S100A7A: variants seen among roughly 807,000 people sequenced by gnomAD.
S100A7A encodes the protein protein S100-A7A.
S100A7A carries 5 observed loss-of-function variants against 4.0 expected under a neutral mutation model. The observed-to-expected ratio is 1.26, with a 90% CI of 0.66 to 2.66. The LOEUF (loss-of-function observed/expected upper bound fraction) is 2.66. Among genes scored for constraint, S100A7A ranks in the 30% most tolerant of loss-of-function variants. The pLI is 0.01. For missense variants in S100A7A, 159 were observed against 125.1 expected, an observed-to-expected ratio of 1.27 and a Z score of -1.29; for synonymous variants, 52 against 46.4, an observed-to-expected ratio of 1.12 and a Z score of -0.49.
Position 153,422,486 on chromosome 1 carries a change from A to G in S100A7A, c.*3177A>G. On this transcript the variant is annotated 3_prime_UTR_variant, in exon 3 of 3. Transcript: ENST00000368729. The stretch of plus-strand genomic sequence containing the variant: ...GACATTATATTGGTACTAAAGAGAA[A>G]GAATACTTGACAGCTCTATGCCCAC... 1 of 982,612 alleles carries G rather than the reference A, an allele frequency of 1.0e-6. No individual in the cohort carries two copies. The highest frequency in any genetic ancestry group is 1.2e-6 in the Non-Finnish European group (1 of 827,336). 60.9% of individuals were successfully genotyped at this position (982,612 alleles called of 1,614,324 possible).
Position 153,418,181 on chromosome 1 carries a change from G to A in S100A7A, c.99G>A (p.Leu33=), listed in dbSNP as rs1571184458. The change falls in exon 2 of 3, where the codon CTG becomes CTA. Residue 33 remains leucine, a synonymous_variant. Transcript: ENST00000368729. The part of the protein sequence containing the change: ...RDGKIEKPSL[L]TMMKENFPNF... ...GCAAGATTGAGAAGCCAAGCCTGCT[G>A]ACGATGATGAAGGAGAACTTCCCCA... 1.2e-6 allele frequency: 2 copies of A among 1,614,060 alleles called. No homozygotes were observed. The highest frequency in any genetic ancestry group is 1.7e-6 in the Non-Finnish European group (2 of 1,179,926).
chr1:153,422,507 C>A lies in S100A7A; in HGVS notation c.*3198C>A. ...AGAAAGAATACTTGACAGCTCTATG[C>A]CCACACTCACATTACAGCTGATGTG... is the stretch of plus-strand genomic sequence containing the variant. On this transcript the variant is annotated 3_prime_UTR_variant, in exon 3 of 3. Transcript: ENST00000368729. 2 of 984,974 alleles carry A rather than the reference C, an allele frequency of 2.0e-6. No homozygotes were observed. The highest frequency in any genetic ancestry group is 2.4e-6 in the Non-Finnish European group (2 of 829,506). The allele number at this position is 984,974 out of a possible 1,614,324, so 61.0% of individuals were successfully genotyped here.
chr1:153,417,966 A>G, intron 1 of S100A7A, 100 bp from the exon 2 acceptor site: 1 of 1,428,708 alleles, frequency 7.0e-7, no homozygotes, highest in Non-Finnish European at 9.5e-7. Context: ...GCTCCATCTT[A>G]GGGCTGTTTT....
rs918501642 is a variant in S100A7A at position 153,421,769 on chromosome 1, T to C, written c.*2460T>C. 1 of 152,232 alleles carries C rather than the reference T, an allele frequency of 6.6e-6. No individual in the cohort carries two copies. The highest frequency in any genetic ancestry group is 2.4e-5 in the African/African-American group (1 of 41,460). 9.4% of individuals were successfully genotyped at this position (152,232 alleles called of 1,614,324 possible). On this transcript the variant is annotated 3_prime_UTR_variant, in exon 3 of 3. Transcript: ENST00000368729. ...TACAGTCCAGAAGGCAATTGGCCAC[T>C]CCTAATGTGGGCCTGCCCTCCCTTT...
Position 153,419,520 on chromosome 1 carries a change from G to A in S100A7A, c.*211G>A, listed in dbSNP as rs536379212. 43 of 605,504 alleles carry A rather than the reference G, an allele frequency of 7.1e-5. 1 individual carries two copies. The East Asian group carries it at 1.1e-3, about 15-fold the overall frequency. The allele number at this position is 605,504 out of a possible 1,614,324, so 37.5% of individuals were successfully genotyped here. On this transcript the variant is annotated 3_prime_UTR_variant, in exon 3 of 3. Coordinates refer to ENST00000368729, the MANE Select transcript of S100A7A (RefSeq NM_176823.4). ...AGCAACGTTCCCCCTATGGCCTCCA[G>A]CAGAGCTGATCTGCCTCTCACACAG... is the stretch of plus-strand genomic sequence containing the variant.
At chr1:153,419,080 C>T in intron 2 of S100A7A, 65 bp from the exon 3 acceptor site, 1 of 1,535,434 alleles carries the variant, frequency 6.5e-7, no homozygotes, top group Non-Finnish European at 8.9e-7. Flanking sequence ...CTCCTCCTCT[C>T]CCCTCCCAGC....
At chr1:153,417,986 C>A in intron 1 of S100A7A, 80 bp from the exon 2 acceptor site, 2 of 1,550,670 alleles carry the variant, frequency 1.3e-6, no homozygotes, top group Non-Finnish European at 1.8e-6. Context: ...TTACTCTGTC[C>A]TCAGCCCTCC....
In S100A7A at chr1:153,419,389, T is replaced by C; in HGVS notation, c.*80T>C. The C allele has an allele frequency of 1.4e-6, 2 of 1,450,262 alleles. No homozygotes were observed. Among genetic ancestry groups the C allele is most frequent in the Non-Finnish European group, 1.9e-6 (2 of 1,066,804 alleles). The allele number at this position is 1,450,262 out of a possible 1,614,324, so 89.8% of individuals were successfully genotyped here. ...CACCAGACACTTGCCTTATTTCTTC[T>C]TCTCTTTGGTGACCTACATTGTCAA... is the stretch of plus-strand genomic sequence containing the variant. On this transcript the variant is annotated 3_prime_UTR_variant, in exon 3 of 3. Coordinates refer to ENST00000368729, the MANE Select transcript of S100A7A (RefSeq NM_176823.4).
rs138663810 is a variant in S100A7A at position 153,418,140 on chromosome 1, T to C, written c.58T>C (p.Tyr20His). ...AGGCATGATCGACATGTTTCACAAA[T>C]ACACCGGACGTGATGGCAAGATTGA... The part of the protein sequence containing the change: ...IIGMIDMFHK[Y>H]TGRDGKIEKP... The change falls in exon 2 of 3, where the codon TAC becomes CAC. Residue 20 changes from tyrosine (Y) to histidine (H), a missense_variant. By Grantham distance (83) the Tyr-to-His change is moderately conservative. Coordinates refer to ENST00000368729, the MANE Select transcript of S100A7A (RefSeq NM_176823.4). 19 of 1,614,004 alleles carry C rather than the reference T, an allele frequency of 1.2e-5. No individual in the cohort carries two copies. In the African/African-American group the frequency reaches 2.3e-4, roughly 19 times the overall value.
Position 153,421,521 on chromosome 1 carries a change from T to C in S100A7A, c.*2212T>C, listed in dbSNP as rs1662897378. The C allele has an allele frequency of 6.6e-6, 1 of 152,230 alleles. No homozygotes were observed. Among genetic ancestry groups the C allele is most frequent in the African/African-American group, 2.4e-5 (1 of 41,458 alleles). 9.4% of individuals were successfully genotyped at this position (152,230 alleles called of 1,614,324 possible). ...ATGTATTTGTGCAAATTCTAGTCAA[T>C]ACTACTTTATGTAAACAGCAGTGTA... On this transcript the variant is annotated 3_prime_UTR_variant, in exon 3 of 3. Coordinates refer to ENST00000368729, the MANE Select transcript of S100A7A (RefSeq NM_176823.4).
Position 153,418,000 on chromosome 1 carries a change from T to C in S100A7A, c.-17-66T>C, listed in dbSNP as rs1233467024. ...TTTACTCTGTCCTCAGCCCTCCTTC[T>C]AACACCCCCACATAGAGACCTTAAT... On this transcript the variant is annotated intron_variant, in intron 1 of 2. Transcript: ENST00000368729. 14 of 1,582,906 alleles carry C rather than the reference T, an allele frequency of 8.8e-6. No homozygotes were observed. In the East Asian group the frequency reaches 1.3e-4, roughly 15 times the overall value.
chr1:153,422,428 A>G lies in S100A7A; in HGVS notation c.*3119A>G, dbSNP rs1317914550. 6 of 814,212 alleles carry G rather than the reference A, an allele frequency of 7.4e-6. No homozygotes were observed. The highest frequency in any genetic ancestry group is 7.4e-6 in the Non-Finnish European group (5 of 674,018). The allele number at this position is 814,212 out of a possible 1,614,324, so 50.4% of individuals were successfully genotyped here. On this transcript the variant is annotated 3_prime_UTR_variant, in exon 3 of 3. Transcript: ENST00000368729. ...TGTTCTAACACATACTAGAGCAAGA[A>G]TTTACTTGATTTGGAATAATTAATA...
Position 153,419,733 on chromosome 1 carries a change from C to G in S100A7A, c.*424C>G, listed in dbSNP as rs1018881848. On this transcript the variant is annotated 3_prime_UTR_variant, in exon 3 of 3. Coordinates refer to ENST00000368729, the MANE Select transcript of S100A7A (RefSeq NM_176823.4). ...TGGCATCTCTCAGTGTGCTCCTGCC[C>G]TCCCACTCCTGCCCCAGCTGTTCTC... 3 of 162,444 alleles carry G rather than the reference C, an allele frequency of 1.8e-5. No individual in the cohort carries two copies. Among genetic ancestry groups the G allele is most frequent in the Non-Finnish European group, 4.0e-5 (3 of 75,106 alleles). 10.1% of individuals were successfully genotyped at this position (162,444 alleles called of 1,614,324 possible).
rs114571503 is a variant in S100A7A, at chr1:153,418,235, T to G, written c.141+12T>G. On this transcript the variant is annotated intron_variant, in intron 2 of 2. Transcript: ENST00000368729. The stretch of plus-strand genomic sequence containing the variant: ...TCCTCAGTGCCTGTGTGAGTTGGGG[T>G]CTAGCTTCTCAATGTTGGTTGGACC... 6.2e-7 allele frequency: 1 copy of G among 1,613,688 alleles called. No individual in the cohort carries two copies. The highest frequency in any genetic ancestry group is 8.5e-7 in the Non-Finnish European group (1 of 1,179,816).
rs1451652072 is a variant in S100A7A at position 153,420,937 on chromosome 1, C to T, written c.*1628C>T. 6.6e-6 allele frequency: 1 copy of T among 152,556 alleles called. No homozygotes were observed. Among genetic ancestry groups the T allele is most frequent in the Non-Finnish European group, 1.5e-5 (1 of 68,368 alleles). The allele number at this position is 152,556 out of a possible 1,614,324, so 9.5% of individuals were successfully genotyped here. ...TTCCCTGCAGATCTCCAGCCCAGAA[C>T]CATCTTCCCCTGTTGTCCTCCTCTC... is the stretch of plus-strand genomic sequence containing the variant. On this transcript the variant is annotated 3_prime_UTR_variant, in exon 3 of 3. Coordinates refer to ENST00000368729, the MANE Select transcript of S100A7A (RefSeq NM_176823.4).
chr1:153,422,549 T>A lies in S100A7A; in HGVS notation c.*3240T>A. On this transcript the variant is annotated 3_prime_UTR_variant, in exon 3 of 3. Transcript: ENST00000368729. ...GCTGATGTGAAAGAGATTCTGGAAA[T>A]CCAAATGTTCCCCAGAAATTCTGAT... The A allele has an allele frequency of 1.0e-6, 1 of 985,136 alleles. No individual in the cohort carries two copies. The highest frequency in any genetic ancestry group is 1.2e-6 in the Non-Finnish European group (1 of 829,692). The allele number at this position is 985,136 out of a possible 1,614,324, so 61.0% of individuals were successfully genotyped here.
Position 153,421,870 on chromosome 1 carries a change from G to A in S100A7A, c.*2561G>A, listed in dbSNP as rs1427859228. 1 of 152,234 alleles carries A rather than the reference G, an allele frequency of 6.6e-6. No individual in the cohort carries two copies. Among genetic ancestry groups the A allele is most frequent in the Non-Finnish European group, 1.5e-5 (1 of 68,060 alleles). 9.4% of individuals were successfully genotyped at this position (152,234 alleles called of 1,614,324 possible). On this transcript the variant is annotated 3_prime_UTR_variant, in exon 3 of 3. Coordinates refer to ENST00000368729, the MANE Select transcript of S100A7A (RefSeq NM_176823.4). ...GCACATAAAAATTAGGATGGAGTGTGTGGACAAATACTTCTTCATCTTCTT... is the reference window on the plus strand; with the variant it reads ...GCACATAAAAATTAGGATGGAGTGTATGGACAAATACTTCTTCATCTTCTT...
At chr1:153,417,660 C>T (rs1415947234) in intron 1 of S100A7A, among the ~76,000 whole-genome samples, 7 of 152,182 alleles carry the variant, frequency 4.6e-5, no homozygotes, top group Non-Finnish European at 1.0e-4. Context: ...GTCCTGCCCC[C>T]GTGACTCTCA....
At chr1:153,416,631 G>C (rs775963798) in intron 1 of S100A7A, 68 bp downstream of exon 1, 26 of 416,932 alleles carry the variant, frequency 6.2e-5, no homozygotes, top group Non-Finnish European at 1.1e-4. Context: ...GCTGCCTGTA[G>C]GAAGGGAAAG....
Sources: allele counts gnomAD v4.1 joint callset (sites outside exome capture counted in the v4.1 genomes callset), GRCh38; gene constraint gnomAD v4.1.1; transcripts MANE v1.5; gene names NCBI Gene and HGNC (gene_info 2026-07-23, HGNC 2026-07-21).